Variants in CELF3 observed in about 807,000 individuals in gnomAD.
The protein encoded by CELF3 is CUGBP Elav-like family member 3.
In CELF3, 26 loss-of-function variants were observed where a neutral mutation model predicts 59.6. The observed-to-expected ratio is 0.44, with a 90% confidence interval of 0.32 to 0.61. The LOEUF (loss-of-function observed/expected upper bound fraction) is 0.61. CELF3 is among the 20% of genes least tolerant of loss of function. CELF3 has a pLI of 0.06. For synonymous variants in CELF3, 245 were observed against 250.7 expected (o/e 0.98, Z 0.22); for missense variants, 387 against 627.2 (o/e 0.62, Z 4.09).
In CELF3 at chr1:151,700,794, A is replaced by G. The variant is rs1672030083; in HGVS notation, c.*2665T>C. On this transcript the variant is annotated 3_prime_UTR_variant, in exon 13 of 13. Transcript: ENST00000290583. Reference sequence around the variant, plus strand: ...TAAAAACTCTTGAGGTTTTCTGTCTATGTGACTAGAAAATAGAAATATATG... The same window carrying G: ...TAAAAACTCTTGAGGTTTTCTGTCTGTGTGACTAGAAAATAGAAATATATG... Among the ~76,000 whole-genome samples, 3 of 152,250 alleles carry G rather than the reference A, an allele frequency of 2.0e-5. No individual in the cohort carries two copies. The highest frequency in any genetic ancestry group is 2.9e-5 in the Non-Finnish European group (2 of 68,042).
rs1388280690 is a variant in CELF3 at position 151,701,797 on chromosome 1, G to A, written c.*1662C>T. On this transcript the variant is annotated 3_prime_UTR_variant, in exon 13 of 13. Transcript: ENST00000290583. ...ATGAGCTGGGCGTGGTGGTGCAGCC[G>A]CTTATAGTCCTAACTACTTGGGAGG... is the stretch of plus-strand genomic sequence containing the variant. Among the ~76,000 whole-genome samples, 4 of 152,020 alleles carry A rather than the reference G, an allele frequency of 2.6e-5. No homozygotes were observed. The highest frequency in any genetic ancestry group is 2.9e-5 in the Non-Finnish European group (2 of 67,998).
chr1:151,701,900 G>A lies in CELF3; in HGVS notation c.*1559C>T, dbSNP rs997280865. Among the ~76,000 whole-genome samples, 6 of 152,336 alleles carry A rather than the reference G, an allele frequency of 3.9e-5. No individual in the cohort carries two copies. The highest frequency in any genetic ancestry group is 1.4e-4 in the African/African-American group (6 of 41,570). ...ATCTCACCATCACACTCCAGCTTGA[G>A]TGACAGAGTGAGACCCTGTTTCAAA... On this transcript the variant is annotated 3_prime_UTR_variant, in exon 13 of 13. Transcript: ENST00000290583.
chr1:151,716,130 G>T lies in CELF3; in HGVS notation c.-110C>A. 1 of 1,221,700 alleles carries T rather than the reference G, an allele frequency of 8.2e-7. No individual in the cohort carries two copies. Among genetic ancestry groups the T allele is most frequent in the Non-Finnish European group, 1.1e-6 (1 of 897,132 alleles). The allele number at this position is 1,221,700 out of a possible 1,614,324, so 75.7% of individuals were successfully genotyped here. ...GGGGCCCGGGGGCCCAGCTGGGGCT[G>T]GCTTTCCCTTTGGCCCCCAACCACG... On this transcript the variant is annotated 5_prime_UTR_variant, in exon 1 of 13. Coordinates refer to ENST00000290583, the MANE Select transcript of CELF3 (RefSeq NM_007185.7).
At chr1:151,707,970 G>A (rs780268366) in intron 5 of CELF3, 35 bp from the exon 6 acceptor site, 2 of 1,580,014 alleles carry the variant, frequency 1.3e-6, no homozygotes, top group African/African-American at 1.3e-5. Context: ...CAGAGGTGCA[G>A]GGTCAGGGTC....
chr1:151,716,545 C>T lies in CELF3; in HGVS notation c.-525G>A, dbSNP rs1051154076. 2.4e-5 allele frequency: 8 copies of T among 331,766 alleles called. No individual in the cohort carries two copies. Among genetic ancestry groups the T allele is most frequent in the Non-Finnish European group, 4.8e-5 (8 of 165,202 alleles). 20.6% of individuals were successfully genotyped at this position (331,766 alleles called of 1,614,324 possible). A position where few individuals can be genotyped will look rare whatever the true frequency, so the allele number is the denominator to read the frequency against. On this transcript the variant is annotated 5_prime_UTR_variant, in exon 1 of 13. Transcript: ENST00000290583. The stretch of plus-strand genomic sequence containing the variant: ...CTCGTTGGCTTCCCTGGGAGGACAC[C>T]TCCCCTGTGGCGGATCCTTCTGCTG...
chr1:151,715,700 G>A (rs917449844), intron 1 of CELF3, 176 bp downstream of exon 1: 3 of 1,545,088 alleles, frequency 1.9e-6, no homozygotes, highest in African/African-American at 2.7e-5. Flanking sequence ...CTTCACCGGG[G>A]TTTCCTGATC....
rs1180025726 is a variant in CELF3, at chr1:151,707,715, G to A, written c.631-67C>T. 6 of 1,600,446 alleles carry A rather than the reference G, an allele frequency of 3.7e-6. No homozygotes were observed. In the East Asian group the frequency reaches 1.3e-4, roughly 36 times the overall value. ...CCAAGCCTGGCTCCCTCCCAGCCCG[G>A]GGCCTTGGCATCGGGAGGGTGGGGG... On this transcript the variant is annotated intron_variant, in intron 6 of 12. Transcript: ENST00000290583.
rs113733004 is a variant in CELF3, at chr1:151,716,141, T to C, written c.-121A>G. The C allele has an allele frequency of 2.4e-5, 25 of 1,057,940 alleles. No homozygotes were observed. Among genetic ancestry groups the C allele is most frequent in the Admixed American group, 8.7e-5 (3 of 34,602 alleles). The allele number at this position is 1,057,940 out of a possible 1,614,324, so 65.5% of individuals were successfully genotyped here. A position where few individuals can be genotyped will look rare whatever the true frequency, so the allele number is the denominator to read the frequency against. On this transcript the variant is annotated 5_prime_UTR_variant, in exon 1 of 13. Coordinates refer to ENST00000290583, the MANE Select transcript of CELF3 (RefSeq NM_007185.7). Reference sequence around the variant, plus strand: ...GCCCAGCTGGGGCTGGCTTTCCCTTTGGCCCCCAACCACGCTGCTAAGCAG... The same window carrying C: ...GCCCAGCTGGGGCTGGCTTTCCCTTCGGCCCCCAACCACGCTGCTAAGCAG...
chr1:151,710,682 CCTT>C, intron 2 of CELF3: 4 of 456,428 alleles, frequency 8.8e-6, no homozygotes, highest in South Asian at 4.6e-5. Context: ...GTCCCGTGCT[CCTT>C]CGCAATTTAC....
Position 151,702,418 on chromosome 1 carries a change from T to C in CELF3, c.*1041A>G, listed in dbSNP as rs1272482016. ...CTCTTATTTGATGCTTTTAAACTTT[T>C]TTCTTTATTTAGACAGAAAAGACCA... On this transcript the variant is annotated 3_prime_UTR_variant, in exon 13 of 13. Coordinates refer to ENST00000290583, the MANE Select transcript of CELF3 (RefSeq NM_007185.7). 1.3e-5 allele frequency: 2 copies of C among 152,158 alleles called. No individual in the cohort carries two copies. The highest frequency in any genetic ancestry group is 3.8e-4 in the East Asian group (2 of 5,196). The allele number at this position is 152,158 out of a possible 1,614,324, so 9.4% of individuals were successfully genotyped here. A position where few individuals can be genotyped will look rare whatever the true frequency, so the allele number is the denominator to read the frequency against.
At chr1:151,713,909 GA>G (rs1312618165) in intron 2 of CELF3, among the ~76,000 whole-genome samples, 1 of 152,190 alleles carries the variant, frequency 6.6e-6, no homozygotes, top group African/African-American at 2.4e-5. Flanking sequence ...CCTTGCAGGA[GA>G]GGGGCCACCT....
chr1:151,706,826 G>T, intron 8 of CELF3, 92 bp from the exon 9 acceptor site: 1 of 1,010,082 alleles, frequency 9.9e-7, no homozygotes, highest in Admixed American at 2.8e-5. Context: ...GGCCAGGCAG[G>T]TGGGGAGCAG....
At chr1:151,715,229 G>A (rs1673377203) in intron 1 of CELF3, among the ~76,000 whole-genome samples, 1 of 151,976 alleles carries the variant, frequency 6.6e-6, no homozygotes, top group Admixed American at 6.6e-5. Context: ...CCGGTGTGTG[G>A]AGCTCTCCAA....
At position 151,709,855 on chromosome 1, in the gene CELF3, G is replaced by A. The variant is rs1344764848; in HGVS notation, c.229-64C>T. The A allele has an allele frequency of 1.3e-6, 2 of 1,510,760 alleles. No individual in the cohort carries two copies. Among genetic ancestry groups the A allele is most frequent in the Admixed American group, 1.7e-5 (1 of 59,854 alleles). 93.6% of individuals were successfully genotyped at this position (1,510,760 alleles called of 1,614,324 possible). On this transcript the variant is annotated intron_variant, in intron 2 of 12. Transcript: ENST00000290583. The surrounding 1 kb of genome is among the most constrained non-coding windows in gnomAD (Gnocchi z 4.9). ...TCTGAACACCCAAGAGCCCTCCCAG[G>A]CCAGGCCCTGCAGAGAGACTAGAGG...
intron 5 of CELF3, chr1:151,708,278 A>T: frequency 3.7e-6 from 1 of 267,306 alleles, no homozygotes; most frequent in East Asian, 8.0e-5. Flanking sequence ...ATCTCAGGCT[A>T]GTCTTCCCTT....
rs1290456520 is a variant in CELF3, at chr1:151,702,534, C to CCCCA, written c.*921_*924dup. On this transcript the variant is annotated 3_prime_UTR_variant, in exon 13 of 13. Transcript: ENST00000290583. ...CCCGGTCTCCCCTTACCACCCCCACCCCCACCCCATTTTCTTTTCCCTAAA... is the reference window on the plus strand; with the variant it reads ...CCCGGTCTCCCCTTACCACCCCCACCCCCACCCACCCCATTTTCTTTTCCCTAAA... The CCCCA allele has an allele frequency of 6.7e-6, 1 of 150,068 alleles. No individual in the cohort carries two copies. The highest frequency in any genetic ancestry group is 1.5e-5 in the Non-Finnish European group (1 of 67,504). 9.3% of individuals were successfully genotyped at this position (150,068 alleles called of 1,614,324 possible).
At chr1:151,708,871 T>C (rs1386760616) in intron 5 of CELF3, 127 bp downstream of exon 5, 1 of 845,250 alleles carries the variant, frequency 1.2e-6, no homozygotes, top group Non-Finnish European at 1.8e-6. Context: ...GTTTGGTTCT[T>C]CTGCCAGGAC....
At position 151,702,414 on chromosome 1, in the gene CELF3, C is replaced by CT. The variant is rs1331112519; in HGVS notation, c.*1044dup. ...AAGACTCTTATTTGATGCTTTTAAA[C>CT]TTTTTTCTTTATTTAGACAGAAAAG... On this transcript the variant is annotated 3_prime_UTR_variant, in exon 13 of 13. Transcript: ENST00000290583. 1.3e-5 allele frequency: 2 copies of CT among 152,106 alleles called. No homozygotes were observed. Among genetic ancestry groups the CT allele is most frequent in the African/African-American group, 4.8e-5 (2 of 41,394 alleles). The allele number at this position is 152,106 out of a possible 1,614,324, so 9.4% of individuals were successfully genotyped here.
chr1:151,712,555 C>T (rs1673113623), intron 2 of CELF3, among the ~76,000 whole-genome samples: 1 of 152,186 alleles, frequency 6.6e-6, no homozygotes, highest in South Asian at 2.1e-4. Context: ...AAGAGCTGGA[C>T]AGAGGGCAAC....
Sources: allele counts gnomAD v4.1 joint callset (sites outside exome capture counted in the v4.1 genomes callset), GRCh38; gene constraint gnomAD v4.1.1; non-coding constraint Gnocchi (gnomAD v3.1); transcripts MANE v1.5; gene names NCBI Gene and HGNC (gene_info 2026-07-23, HGNC 2026-07-21).